SLC71A2: variants seen among roughly 807,000 people sequenced by gnomAD.
SLC71A2 encodes solute carrier family 71 member 2, also known as hippocampus abundant transcript-like 1.
the SLC71A2 span, among the ~76,000 whole-genome samples, chr9:94,385,850 T>C: frequency 2.6e-5 from 4 of 152,096 alleles, no homozygotes; most frequent in Admixed American, 6.6e-5. Flanking sequence ...CATATGAATT[T>C]GAGGTGATCC....
At chr9:94,439,017 A>T in the SLC71A2 span, among the ~76,000 whole-genome samples, 2 of 92,572 alleles carry the variant, frequency 2.2e-5, no homozygotes, top group Non-Finnish European at 4.4e-5. Flanking sequence ...TGTGAATTTG[A>T]GTTCGTTTTT....
At chr9:94,434,655 G>C in the SLC71A2 span, among the ~76,000 whole-genome samples, 1 of 152,064 alleles carries the variant, frequency 6.6e-6, no homozygotes, top group African/African-American at 2.4e-5. Flanking sequence ...TATCCACACA[G>C]ATTATCCTTC....
At chr9:94,418,031 A>AT in the SLC71A2 span, among the ~76,000 whole-genome samples, 1 of 151,744 alleles carries the variant, frequency 6.6e-6, no homozygotes, top group Non-Finnish European at 1.5e-5. Flanking sequence ...TAATTTTTGT[A>AT]TTTTTAGTAG....
the SLC71A2 span, among the ~76,000 whole-genome samples, chr9:94,391,861 A>G: frequency 1.3e-5 from 2 of 152,112 alleles, no homozygotes; most frequent in African/African-American, 2.4e-5. Context: ...CCTGGGCAAC[A>G]GAGCGAGACC....
the SLC71A2 span, chr9:94,460,737 G>A: frequency 6.6e-6 from 1 of 152,166 alleles, no homozygotes; most frequent in Non-Finnish European, 1.5e-5. Flanking sequence ...ATGTAATGAA[G>A]GTATTGACAG....
chr9:94,451,491 C>T, the SLC71A2 span: 1 of 1,574,132 alleles, frequency 6.4e-7, no homozygotes, highest in Admixed American at 1.8e-5. Context: ...TTGCAGCATT[C>T]ATAGCTATGG....
At chr9:94,382,834 G>C in the SLC71A2 span, among the ~76,000 whole-genome samples, 1 of 151,218 alleles carries the variant, frequency 6.6e-6, no homozygotes, top group African/African-American at 2.4e-5. Flanking sequence ...CCGCCACCAC[G>C]CCTGGCTAAT....
At chr9:94,418,341 A>T in the SLC71A2 span, among the ~76,000 whole-genome samples, 1 of 151,858 alleles carries the variant, frequency 6.6e-6, no homozygotes, top group Non-Finnish European at 1.5e-5. Flanking sequence ...ACTTTAGTGG[A>T]TTGTTGATTT....
the SLC71A2 span, among the ~76,000 whole-genome samples, chr9:94,398,047 T>C: frequency 1.3e-5 from 2 of 151,600 alleles, no homozygotes; most frequent in Non-Finnish European, 2.9e-5. Context: ...TATTTGAAAT[T>C]CCTCTGCATG....
At chr9:94,390,864 A>G in the SLC71A2 span, among the ~76,000 whole-genome samples, 1 of 152,152 alleles carries the variant, frequency 6.6e-6, no homozygotes, top group Non-Finnish European at 1.5e-5. Flanking sequence ...ACCTCAATTC[A>G]AAGGCTGCCT....
At chr9:94,387,820 C>T in the SLC71A2 span, among the ~76,000 whole-genome samples, 2 of 152,104 alleles carry the variant, frequency 1.3e-5, no homozygotes, top group East Asian at 1.9e-4. Context: ...GTAGTCACTC[C>T]GTGCCTAAAT....
chr9:94,387,378 G>A, the SLC71A2 span, among the ~76,000 whole-genome samples: 13 of 151,874 alleles, frequency 8.6e-5, no homozygotes, highest in Non-Finnish European at 1.5e-4. Context: ...ATGTTTTCCC[G>A]CCTTTTAAAT....
At chr9:94,403,841 T>C in the SLC71A2 span, among the ~76,000 whole-genome samples, 2 of 152,200 alleles carry the variant, frequency 1.3e-5, no homozygotes, top group Non-Finnish European at 2.9e-5. Flanking sequence ...TATCTTCTTA[T>C]TTAAGAAAAA....
At chr9:94,383,616 T>C in the SLC71A2 span, among the ~76,000 whole-genome samples, 1 of 152,296 alleles carries the variant, frequency 6.6e-6, no homozygotes, top group South Asian at 2.1e-4. Flanking sequence ...TCCCCCAATC[T>C]TGTTATTTTT....
At chr9:94,441,342 G>C in the SLC71A2 span, among the ~76,000 whole-genome samples, 1 of 152,170 alleles carries the variant, frequency 6.6e-6, no homozygotes, top group African/African-American at 2.4e-5. Context: ...ATGGAAGGCA[G>C]AGCCAGAGCA....
the SLC71A2 span, among the ~76,000 whole-genome samples, chr9:94,450,869 A>C: frequency 6.6e-6 from 1 of 152,206 alleles, no homozygotes; most frequent in Non-Finnish European, 1.5e-5. Flanking sequence ...TTACGGTCAG[A>C]GGCTTAGAAA....
At chr9:94,447,488 T>TG in the SLC71A2 span, among the ~76,000 whole-genome samples, 3 of 151,398 alleles carry the variant, frequency 2.0e-5, no homozygotes, top group African/African-American at 7.3e-5. Context: ...CCTGTTTTTT[T>TG]TTTTTTTTTT....
chr9:94,421,961 T>G, the SLC71A2 span, among the ~76,000 whole-genome samples: 3 of 152,160 alleles, frequency 2.0e-5, no homozygotes, highest in African/African-American at 7.2e-5. Flanking sequence ...TTGCCCAGGC[T>G]GGAGTGCAGT....
chr9:94,459,853 TC>T, the SLC71A2 span: 2 of 167,200 alleles, frequency 1.2e-5, no homozygotes, highest in African/African-American at 2.4e-5. Context: ...ATTTCTACCT[TC>T]CTGTTTCTCT....
Sources: gnomAD v4.1 joint callset for allele counts (sites outside exome capture counted in the v4.1 genomes callset) on GRCh38, gnomAD v4.1.1 for gene constraint, MANE v1.5 for transcripts, NCBI Gene and HGNC (gene_info 2026-07-23, HGNC 2026-07-21) for gene names.